CLPTM1L: variants seen among roughly 807,000 people sequenced by gnomAD.
CLPTM1L encodes the protein lipid scramblase CLPTM1L.
In CLPTM1L, 38 loss-of-function variants were observed where a neutral mutation model predicts 70.9. That is an observed-to-expected ratio of 0.54 (90% CI 0.41 to 0.70). The LOEUF (loss-of-function observed/expected upper bound fraction) is 0.70, where lower values mean the gene tolerates loss of function less well. Among genes scored for constraint, CLPTM1L ranks in the 30% least tolerant of loss-of-function variants. CLPTM1L has a pLI of 0.00. For missense variants in CLPTM1L, 652 were observed against 705.9 expected, an observed-to-expected ratio of 0.92 and a Z score of 0.87; for synonymous variants, 339 against 299.9, an observed-to-expected ratio of 1.13 and a Z score of -1.35.
At chr5:1,334,637 C>G (rs1753439756) in intron 6 of CLPTM1L, among the ~76,000 whole-genome samples, 1 of 151,938 alleles carries the variant, frequency 6.6e-6, no homozygotes, top group Non-Finnish European at 1.5e-5. Flanking sequence ...GCCTGTAATC[C>G]TAGCTACTGG....
intron 6 of CLPTM1L, 113 bp from the exon 7 acceptor site, chr5:1,334,496 G>C (rs1319201368): frequency 2.9e-6 from 2 of 685,970 alleles, no homozygotes; most frequent in Admixed American, 2.6e-5. Flanking sequence ...GCTCATGCCT[G>C]TAAACCCAGC....
chr5:1,344,735 C>G lies in CLPTM1L; in HGVS notation c.107G>C (p.Cys36Ser), dbSNP rs753452064. 1 of 1,599,832 alleles carries G rather than the reference C, an allele frequency of 6.3e-7. No homozygotes were observed. The highest frequency in any genetic ancestry group is 8.5e-7 in the Non-Finnish European group (1 of 1,174,450). Reference protein sequence around the residue: ...VMYGIVYTRPCSGDANCIQPY... With the variant: ...VMYGIVYTRPSSGDANCIQPY... The stretch of plus-strand genomic sequence containing the variant: ...CTGGATGCAGTTGGCGTCGCCGGAG[C>G]ACGGGCGGGTGTAGACGATGCCGTA... Residue 36 changes from cysteine to serine, a missense_variant, in exon 1 of 17, where the codon TGC becomes TCC. Transcript: ENST00000320895.
chr5:1,318,404 C>A lies in CLPTM1L; in HGVS notation c.1582G>T (p.Glu528Ter). Residue 528 changes from glutamate (E) to a stop codon, truncating the protein, a stop_gained, in exon 17 of 17, where the codon GAG becomes TAG. Coordinates refer to ENST00000320895, the MANE Select transcript of CLPTM1L (RefSeq NM_030782.5). LOFTEE classifies it high-confidence loss of function. The surrounding 1 kb of genome is among the most constrained non-coding windows in gnomAD (Gnocchi z 8.9). ...TGGGGCGCCCGCGTGGCCTTCTCCT[C>A]GTAGGACTCCCCAAACTCGTTCACT... is the stretch of plus-strand genomic sequence containing the variant. Reference protein sequence around the residue: ...RRVNEFGESYEEKATRAPHTD With the variant: ...RRVNEFGESY The A allele has an allele frequency of 6.2e-7, 1 of 1,613,906 alleles. No individual in the cohort carries two copies. The highest frequency in any genetic ancestry group is 1.1e-5 in the South Asian group (1 of 91,080).
At chr5:1,324,635 C>T (rs1283476901) in intron 11 of CLPTM1L, 128 bp downstream of exon 11, 5 of 910,166 alleles carry the variant, frequency 5.5e-6, no homozygotes, top group Non-Finnish European at 8.9e-6. Flanking sequence ...CTCTTGGGAT[C>T]CCTGCTCAAG....
chr5:1,332,147 C>G (rs1282170563), intron 7 of CLPTM1L: 1 of 476,560 alleles, frequency 2.1e-6, no homozygotes, highest in Non-Finnish European at 3.8e-6. Context: ...GGCCCCCAGG[C>G]AATTGGAGGC....
chr5:1,344,950 C>A lies in CLPTM1L; in HGVS notation c.-109G>T. ...GCTCCGCCGCTCACTGGAGAGCCGC[C>A]GCGCGCCACCGCCACCGCCGCGGGG... On this transcript the variant is annotated 5_prime_UTR_variant, in exon 1 of 17. Transcript: ENST00000320895. 3.6e-6 allele frequency: 2 copies of A among 560,230 alleles called. No homozygotes were observed. Among genetic ancestry groups the A allele is most frequent in the Non-Finnish European group, 4.5e-6 (2 of 442,990 alleles). The allele number at this position is 560,230 out of a possible 1,614,324, so 34.7% of individuals were successfully genotyped here.
At chr5:1,338,809 C>T in intron 4 of CLPTM1L, 51 bp downstream of exon 4, 1 of 1,605,924 alleles carries the variant, frequency 6.2e-7, no homozygotes, top group Non-Finnish European at 8.5e-7. Flanking sequence ...TCTGGCCAGC[C>T]AGGGTCCCAG....
intron 6 of CLPTM1L, 112 bp from the exon 7 acceptor site, chr5:1,334,495 T>C (rs993857362): frequency 8.6e-6 from 6 of 694,122 alleles, no homozygotes; most frequent in South Asian, 1.8e-5. Flanking sequence ...GGCTCATGCC[T>C]GTAAACCCAG....
intron 5 of CLPTM1L, among the ~76,000 whole-genome samples, chr5:1,336,326 A>G (rs943398547): frequency 6.6e-6 from 1 of 152,094 alleles, no homozygotes; most frequent in African/African-American, 2.4e-5. Context: ...ACAGCGACAC[A>G]TGAGAGAGAC....
At chr5:1,333,964 C>G (rs1301555271) in intron 7 of CLPTM1L, among the ~76,000 whole-genome samples, 1 of 152,128 alleles carries the variant, frequency 6.6e-6, no homozygotes, top group Non-Finnish European at 1.5e-5. Context: ...GAGATGCCTG[C>G]ACCTATTCAT....
chr5:1,344,658 C>T (rs1157352459), intron 1 of CLPTM1L, 22 bp downstream of exon 1: 3 of 1,545,392 alleles, frequency 1.9e-6, no homozygotes, highest in Non-Finnish European at 2.6e-6. Flanking sequence ...CCCGCCCGGC[C>T]CCCGGCCCCG....
chr5:1,337,692 C>A (rs1375105787), intron 5 of CLPTM1L, among the ~76,000 whole-genome samples: 1 of 152,244 alleles, frequency 6.6e-6, no homozygotes, highest in Non-Finnish European at 1.5e-5. Flanking sequence ...CTCAGCAGGA[C>A]CCCGCAGCCA....
Position 1,344,373 on chromosome 5 carries a change from C to T in CLPTM1L, c.241G>A (p.Asp81Asn). The part of the protein sequence containing the change: ...IDLVLNVEDF[D>N]VESKFERTVN... ...TACCTTTCAAATTTGGACTCCACATCAAAGTCTTCCACATTCAAGACCAGG... is the reference window on the plus strand; with the variant it reads ...TACCTTTCAAATTTGGACTCCACATTAAAGTCTTCCACATTCAAGACCAGG... Residue 81 changes from aspartate (D) to asparagine (N), a missense_variant, in exon 2 of 17, where the codon GAT (aspartate) becomes AAT (asparagine). Around this residue, in one of 3 missense-constraint regions of CLPTM1L, gnomAD observed 402 missense variants for 388.2 expected, o/e 1.04. Coordinates refer to ENST00000320895, the MANE Select transcript of CLPTM1L (RefSeq NM_030782.5). 1 of 1,613,756 alleles carries T rather than the reference C, an allele frequency of 6.2e-7. No homozygotes were observed. The highest frequency in any genetic ancestry group is 8.5e-7 in the Non-Finnish European group (1 of 1,179,812).
intron 8 of CLPTM1L, chr5:1,331,348 A>G (rs1165644966): frequency 1.1e-5 from 2 of 180,556 alleles, no homozygotes; most frequent in African/African-American, 2.3e-5. Flanking sequence ...GGGCCTATTA[A>G]CTGCCATCAC....
chr5:1,337,890 G>A lies in CLPTM1L; in HGVS notation c.678+14C>T. 1.9e-6 allele frequency: 3 copies of A among 1,580,906 alleles called. No homozygotes were observed. Among genetic ancestry groups the A allele is most frequent in the South Asian group, 1.2e-5 (1 of 85,936 alleles). ...TCGCCAGCTGCACAACCAGCGGGCA[G>A]AGGTGTCACTCACCATCAGGTCCTT... On this transcript the variant is annotated intron_variant, in intron 5 of 16. Coordinates refer to ENST00000320895, the MANE Select transcript of CLPTM1L (RefSeq NM_030782.5).
intron 6 of CLPTM1L, 87 bp downstream of exon 6, chr5:1,334,970 G>A: frequency 2.1e-6 from 2 of 932,430 alleles, no homozygotes; most frequent in East Asian, 2.5e-5. Context: ...AGGCGAGGAG[G>A]CCCCGGCCTG....
chr5:1,339,067 G>T, intron 3 of CLPTM1L, 62 bp from the exon 4 acceptor site: 1 of 1,566,196 alleles, frequency 6.4e-7, no homozygotes, highest in Non-Finnish European at 8.7e-7. Context: ...GGACAGCAGG[G>T]TCAGCCCCCT....
At chr5:1,325,249 G>T in intron 10 of CLPTM1L, 2 of 252,982 alleles carry the variant, frequency 7.9e-6, no homozygotes, top group Non-Finnish European at 7.6e-6. Context: ...GCCTGTGACT[G>T]CTGAGGGCCC....
chr5:1,319,888 C>T (rs57902743), intron 16 of CLPTM1L, among the ~76,000 whole-genome samples: 7,025 of 152,290 alleles, frequency 0.046, 264 homozygotes, highest in African/African-American at 0.1. Context: ...GCAACCCTCC[C>T]GAGGGGAGCC....
Sources: gnomAD v4.1 joint callset for allele counts (sites outside exome capture counted in the v4.1 genomes callset) on GRCh38, gnomAD v4.1.1 for gene constraint, gnomAD v4.1.1 regional missense constraint, Gnocchi (gnomAD v3.1) non-coding constraint, MANE v1.5 for transcripts, NCBI Gene and HGNC (gene_info 2026-07-23, HGNC 2026-07-21) for gene names.